RBM6: variants seen among roughly 807,000 people sequenced by gnomAD.
The protein encoded by RBM6 is RNA-binding protein 6.
A neutral mutation model predicts 140.4 loss-of-function variants in RBM6; 23 were observed. The ratio of observed to expected loss-of-function variants is 0.16; its 90% CI spans 0.12 to 0.23. RBM6 has a LOEUF of 0.23. RBM6 is among the 10% of genes least tolerant of loss of function. The pLI is 1.00. For synonymous variants in RBM6, 439 were observed against 475.6 expected, an observed-to-expected ratio of 0.92 and a Z score of 1.00; for missense variants, 1,139 against 1,386.7, an observed-to-expected ratio of 0.82 and a Z score of 2.84.
At chr3:49,948,465 G>C (rs1429046726) in intron 1 of RBM6, among the ~76,000 whole-genome samples, 4 of 152,192 alleles carry the variant, frequency 2.6e-5, no homozygotes, top group Non-Finnish European at 5.9e-5. Flanking sequence ...TGTGGCTCAC[G>C]CCTGTAATCC....
intron 1 of RBM6, among the ~76,000 whole-genome samples, chr3:49,953,399 G>C (rs1471996044): frequency 6.7e-6 from 1 of 149,680 alleles, no homozygotes; most frequent in Non-Finnish European, 1.5e-5. Flanking sequence ...TTTGTATTCT[G>C]AGTAGAGACG....
At chr3:49,988,249 A>G (rs2085655920) in intron 5 of RBM6, among the ~76,000 whole-genome samples, 1 of 152,034 alleles carries the variant, frequency 6.6e-6, no homozygotes, top group South Asian at 2.1e-4. Flanking sequence ...GGCTCAAGGG[A>G]TCCTCCCACC....
At chr3:49,941,670 A>G (rs995441850) in intron 1 of RBM6, among the ~76,000 whole-genome samples, 16 of 146,812 alleles carry the variant, frequency 1.1e-4, no homozygotes, top group Non-Finnish European at 2.4e-4. Context: ...AAAAAAAAAA[A>G]CCCGCAAAAC....
At chr3:49,960,736 G>A (rs1159793890) in intron 1 of RBM6, among the ~76,000 whole-genome samples, 2 of 152,090 alleles carry the variant, frequency 1.3e-5, no homozygotes, top group Non-Finnish European at 2.9e-5. Flanking sequence ...AGATTATTCC[G>A]ATTGCTCATG....
intron 12 of RBM6, 35 bp downstream of exon 12, chr3:50,061,033 A>G: frequency 1.3e-6 from 2 of 1,598,624 alleles, no homozygotes; most frequent in Non-Finnish European, 1.7e-6. Context: ...CTCTATTAAA[A>G]TCCTCAGGTG....
intron 6 of RBM6, among the ~76,000 whole-genome samples, chr3:50,036,144 C>T (rs1341044267): frequency 1.3e-5 from 2 of 152,206 alleles, no homozygotes; most frequent in Non-Finnish European, 2.9e-5. Flanking sequence ...GATTCGCCCA[C>T]CTCAGCTCCC....
chr3:49,973,094 G>A (rs2084878794), intron 4 of RBM6, among the ~76,000 whole-genome samples: 1 of 151,964 alleles, frequency 6.6e-6, no homozygotes, highest in Non-Finnish European at 1.5e-5. Context: ...GCCTCCCAAA[G>A]TACTGCCATT....
chr3:49,974,709 T>TA (rs2084982911), intron 4 of RBM6, among the ~76,000 whole-genome samples: 1 of 112,724 alleles, frequency 8.9e-6, no homozygotes, highest in African/African-American at 3.6e-5. Context: ...TTTTTAAAGA[T>TA]AGTGTCTCGC....
At chr3:50,014,296 TA>T (rs2108775690) in intron 6 of RBM6, among the ~76,000 whole-genome samples, 1 of 152,308 alleles carries the variant, frequency 6.6e-6, no homozygotes, top group South Asian at 2.1e-4. Context: ...AGCTGTAGAA[TA>T]AGACCTATTT....
intron 4 of RBM6, among the ~76,000 whole-genome samples, chr3:49,974,010 G>C (rs532510867): frequency 6.6e-5 from 10 of 152,044 alleles, no homozygotes; most frequent in Non-Finnish European, 1.5e-4. Flanking sequence ...TGGTTCTCCT[G>C]CCTCAGCCTC....
intron 6 of RBM6, among the ~76,000 whole-genome samples, chr3:50,039,605 A>C (rs781280435): frequency 6.6e-6 from 1 of 152,114 alleles, no homozygotes; most frequent in Non-Finnish European, 1.5e-5. Flanking sequence ...TATAAATGTT[A>C]GGTGAACCAT....
chr3:49,940,443 G>GGCGGGGCCCGGC (rs1275326983), intron 1 of RBM6: 1 of 153,982 alleles, frequency 6.5e-6, no homozygotes, highest in Non-Finnish European at 1.5e-5. Context: ...GCGGGCCTGG[G>GGCGGGGCCCGGC]GCGGGGCCCG....
rs565258930 is a variant in RBM6 at position 49,943,412 on chromosome 3, C to T, written c.-67+3187C>T. On this transcript the variant is annotated intron_variant, in intron 1 of 20. Transcript: ENST00000266022. The stretch of plus-strand genomic sequence containing the variant: ...CGAACTCGAGCTCAAGCAGTCATCC[C>T]GCCTCAGCTTCCTGAGTAGCTGGGA... 4.6e-5 allele frequency among the ~76,000 whole-genome samples: 7 copies of T among 152,142 alleles called. No individual in the cohort carries two copies. In the South Asian group the frequency reaches 8.3e-4, roughly 18 times the overall value.
chr3:49,965,642 C>T (rs1268725927), intron 2 of RBM6, among the ~76,000 whole-genome samples: 2 of 151,814 alleles, frequency 1.3e-5, no homozygotes, highest in Non-Finnish European at 2.9e-5. Flanking sequence ...TGCACTCCAG[C>T]CTGGGCGACA....
At chr3:50,062,143 CAT>C in intron 15 of RBM6, 35 bp downstream of exon 15, 7 of 1,597,666 alleles carry the variant, frequency 4.4e-6, no homozygotes, top group East Asian at 2.2e-5. Flanking sequence ...TCTTTTGCCA[CAT>C]AGTTATTAAA....
intron 5 of RBM6, among the ~76,000 whole-genome samples, chr3:49,976,679 G>A (rs2085077217): frequency 6.6e-6 from 1 of 152,174 alleles, no homozygotes; most frequent in South Asian, 2.1e-4. Flanking sequence ...TTTAGGAAAG[G>A]AGATGTCTTA....
intron 2 of RBM6, among the ~76,000 whole-genome samples, chr3:49,966,049 C>A (rs1291176834): frequency 6.6e-6 from 1 of 152,076 alleles, no homozygotes; most frequent in Non-Finnish European, 1.5e-5. Context: ...TTGCTTGAAC[C>A]CAGGAGGCAG....
intron 5 of RBM6, among the ~76,000 whole-genome samples, chr3:49,985,585 C>A (rs183162205): frequency 3.8e-4 from 58 of 152,252 alleles, no homozygotes; most frequent in African/African-American, 1.4e-3. Flanking sequence ...TGTATTCACT[C>A]TTTTAAGAAT....
chr3:49,970,872 G>C (rs2084757506), intron 3 of RBM6, among the ~76,000 whole-genome samples: 1 of 152,122 alleles, frequency 6.6e-6, no homozygotes, highest in Non-Finnish European at 1.5e-5. Flanking sequence ...GCTCATGCCT[G>C]TAATCCCAAC....
Sources: gnomAD v4.1 joint callset for allele counts (sites outside exome capture counted in the v4.1 genomes callset) on GRCh38, gnomAD v4.1.1 for gene constraint, MANE v1.5 for transcripts, NCBI Gene and HGNC (gene_info 2026-07-23, HGNC 2026-07-21) for gene names.